TSPAN12: variants seen among roughly 807,000 people sequenced by gnomAD.
The protein encoded by TSPAN12 is tetraspanin-12.
In TSPAN12, 19 loss-of-function variants were observed where a neutral mutation model predicts 39.2. The observed-to-expected ratio is 0.49, with a 90% CI of 0.34 to 0.71. The LOEUF is 0.71. Among genes scored for constraint, TSPAN12 ranks in the 30% least tolerant of loss-of-function variants. TSPAN12 has a pLI of 0.01. For synonymous variants in TSPAN12, 119 were observed against 124.8 expected, an observed-to-expected ratio of 0.95 and a Z score of 0.31; for missense variants, 314 against 359.9, an observed-to-expected ratio of 0.87 and a Z score of 1.03.
At chr7:120,834,839 C>G (rs771017845) in intron 4 of TSPAN12, among the ~76,000 whole-genome samples, 15 of 152,290 alleles carry the variant, frequency 9.8e-5, no homozygotes, top group South Asian at 2.1e-4. Context: ...ACAAAAAATA[C>G]TGTAAGTTAC....
intron 6 of TSPAN12, among the ~76,000 whole-genome samples, chr7:120,809,853 C>A (rs1271602111): frequency 6.6e-6 from 1 of 152,094 alleles, no homozygotes; most frequent in African/African-American, 2.4e-5. Flanking sequence ...TGTTAATAAC[C>A]ATAGGCTAAA....
chr7:120,818,440 G>A (rs563765374), intron 4 of TSPAN12, among the ~76,000 whole-genome samples: 40 of 152,030 alleles, frequency 2.6e-4, no homozygotes, highest in African/African-American at 8.4e-4. Flanking sequence ...GGAAAAAGTG[G>A]ACTGAATTAG....
intron 6 of TSPAN12, among the ~76,000 whole-genome samples, chr7:120,807,782 G>GA (rs936275933): frequency 1.3e-4 from 20 of 150,084 alleles, no homozygotes; most frequent in South Asian, 4.2e-4. Context: ...TTTTTAAACA[G>GA]AAAAAAAAAT....
intron 2 of TSPAN12, among the ~76,000 whole-genome samples, chr7:120,843,531 A>G (rs1449351357): frequency 2.6e-5 from 4 of 152,172 alleles, no homozygotes; most frequent in African/African-American, 7.2e-5. Flanking sequence ...AAACTGGCCA[A>G]TCCTAAACCC....
chr7:120,839,014 T>A lies in TSPAN12; in HGVS notation c.150-102A>T. The A allele has an allele frequency of 1.3e-5, 16 of 1,187,960 alleles. No individual in the cohort carries two copies. The South Asian group carries it at 2.0e-4, about 15-fold the overall frequency. The allele number at this position is 1,187,960 out of a possible 1,614,324, so 73.6% of individuals were successfully genotyped here. Reference sequence around the variant, plus strand: ...TGATTTGTGTTAATAATTCTTTCAATCATGATGCCTCAAAACTAGTGACTG... The same window carrying A: ...TGATTTGTGTTAATAATTCTTTCAAACATGATGCCTCAAAACTAGTGACTG... On this transcript the variant is annotated intron_variant, in intron 3 of 7. Transcript: ENST00000222747.
At chr7:120,846,698 C>G (rs1157855309) in intron 2 of TSPAN12, among the ~76,000 whole-genome samples, 1 of 152,202 alleles carries the variant, frequency 6.6e-6, no homozygotes, top group Non-Finnish European at 1.5e-5. Flanking sequence ...GACACTGCCT[C>G]TGTGGTGCAA....
At chr7:120,836,303 T>C (rs1333999403) in intron 4 of TSPAN12, among the ~76,000 whole-genome samples, 1 of 152,036 alleles carries the variant, frequency 6.6e-6, no homozygotes, top group Non-Finnish European at 1.5e-5. Context: ...GTGTTAGGTC[T>C]AGACAGAGTA....
intron 7 of TSPAN12, among the ~76,000 whole-genome samples, chr7:120,801,660 G>A (rs898741007): frequency 1.3e-5 from 2 of 152,174 alleles, no homozygotes; most frequent in African/African-American, 4.8e-5. Context: ...TACATTTTGA[G>A]TCAGTCCATT....
In TSPAN12 at chr7:120,810,524, G is replaced by T. The variant is rs1439095271; in HGVS notation, c.407C>A (p.Thr136Lys). Residue 136 changes from threonine to lysine, a missense_variant, in exon 6 of 8, where the codon ACA (threonine) becomes AAA (lysine). Physicochemically the swap from Thr to Lys is moderately conservative, Grantham distance 78 (BLOSUM62 -1). Transcript: ENST00000222747. The stretch of plus-strand genomic sequence containing the variant: ...CCGATATCTAGGTAATCCATAATTT[G>T]TCATCCTGGCTTTCAAAGTGACCAT... ...SDMVTLKARM[T>K]NYGLPRYRWL... The T allele has an allele frequency of 1.2e-5, 20 of 1,613,414 alleles. No homozygotes were observed. Among genetic ancestry groups the T allele is most frequent in the Non-Finnish European group, 1.7e-5 (20 of 1,179,858 alleles).
intron 7 of TSPAN12, among the ~76,000 whole-genome samples, chr7:120,795,389 A>G (rs1793609748): frequency 6.6e-6 from 1 of 152,156 alleles, no homozygotes; most frequent in South Asian, 2.1e-4. Context: ...AAAATCACAA[A>G]TCCCCTACAT....
intron 2 of TSPAN12, among the ~76,000 whole-genome samples, chr7:120,856,182 C>T (rs1794865802): frequency 6.6e-6 from 1 of 152,142 alleles, no homozygotes; most frequent in Non-Finnish European, 1.5e-5. Context: ...ACCCTTCAGA[C>T]CGTATGGAAT....
At chr7:120,826,157 C>T (rs570480819) in intron 4 of TSPAN12, among the ~76,000 whole-genome samples, 1 of 152,190 alleles carries the variant, frequency 6.6e-6, no homozygotes, top group African/African-American at 2.4e-5. Flanking sequence ...TTTTCAATTT[C>T]ATTTACATTA....
intron 5 of TSPAN12, among the ~76,000 whole-genome samples, chr7:120,812,399 G>A (rs978117364): frequency 8.5e-5 from 13 of 152,250 alleles, no homozygotes; most frequent in Middle Eastern, 3.4e-3. Context: ...GCTTAGTAAA[G>A]CAAGCTTGAC....
chr7:120,854,709 A>C (rs530756196), intron 2 of TSPAN12, among the ~76,000 whole-genome samples: 2 of 152,360 alleles, frequency 1.3e-5, no homozygotes, highest in East Asian at 3.9e-4. Flanking sequence ...ACAGCAAAAA[A>C]ATCAAGAATT....
chr7:120,856,332 G>A (rs760919024), intron 2 of TSPAN12, among the ~76,000 whole-genome samples: 1 of 152,208 alleles, frequency 6.6e-6, no homozygotes, highest in Non-Finnish European at 1.5e-5. Context: ...GAGATGTAAA[G>A]AAACAATTTA....
chr7:120,789,690 A>G (rs549203151), intron 7 of TSPAN12, among the ~76,000 whole-genome samples: 1 of 152,316 alleles, frequency 6.6e-6, no homozygotes, highest in South Asian at 2.1e-4. Context: ...TGAGGGTAAA[A>G]GAGTCCTCGG....
intron 4 of TSPAN12, among the ~76,000 whole-genome samples, chr7:120,820,657 C>T (rs150297551): frequency 6.6e-6 from 1 of 152,246 alleles, no homozygotes; most frequent in East Asian, 1.9e-4. Context: ...AGTGCTCCCT[C>T]CACTGCTAGA....
chr7:120,806,823 C>CA, intron 6 of TSPAN12, 131 bp from the exon 7 acceptor site: 1 of 1,109,666 alleles, frequency 9.0e-7, no homozygotes, highest in Non-Finnish European at 1.3e-6. Flanking sequence ...GATATATGTA[C>CA]AGTCTATGTT....
intron 4 of TSPAN12, among the ~76,000 whole-genome samples, chr7:120,835,761 G>C (rs911793146): frequency 6.6e-6 from 1 of 152,156 alleles, no homozygotes; most frequent in Non-Finnish European, 1.5e-5. Flanking sequence ...ATTATCATCA[G>C]TGTCATAATT....
Sources: allele counts gnomAD v4.1 joint callset (sites outside exome capture counted in the v4.1 genomes callset), GRCh38; gene constraint gnomAD v4.1.1; transcripts MANE v1.5; gene names NCBI Gene and HGNC (gene_info 2026-07-23, HGNC 2026-07-21).